Variants in CCSER1 observed in about 807,000 individuals in gnomAD.
The protein encoded by CCSER1 is serine-rich coiled-coil domain-containing protein 1.
CCSER1 carries 41 observed loss-of-function variants against 82.0 expected under a neutral mutation model. The observed-to-expected ratio is 0.50, with a 90% CI of 0.39 to 0.65. The LOEUF (loss-of-function observed/expected upper bound fraction) is 0.65. Among genes scored for constraint, CCSER1 ranks in the 30% least tolerant of loss-of-function variants. CCSER1 has a pLI of 0.00. For synonymous variants in CCSER1, 414 were observed against 383.9 expected (o/e 1.08, Z -0.92); for missense variants, 1,119 against 1,064.2 (o/e 1.05, Z -0.72).
At chr4:91,042,121 T>G (rs1315424772) in intron 9 of CCSER1, among the ~76,000 whole-genome samples, 1 of 152,226 alleles carries the variant, frequency 6.6e-6, no homozygotes, top group African/African-American at 2.4e-5. Flanking sequence ...AAATCTCATC[T>G]TGAATTGTAA....
intron 1 of CCSER1, among the ~76,000 whole-genome samples, chr4:90,275,285 T>C (rs1005568167): frequency 6.6e-6 from 1 of 152,138 alleles, no homozygotes; most frequent in Non-Finnish European, 1.5e-5. Context: ...CACATAAGTG[T>C]GACTTTTAAG....
At chr4:90,882,754 TG>T (rs1436871104) in intron 8 of CCSER1, among the ~76,000 whole-genome samples, 1 of 151,868 alleles carries the variant, frequency 6.6e-6, no homozygotes, top group African/African-American at 2.4e-5. Flanking sequence ...ACTTTAACAC[TG>T]AAAAAAAACA....
intron 10 of CCSER1, among the ~76,000 whole-genome samples, chr4:91,225,189 AT>A (rs1738051773): frequency 7.1e-6 from 1 of 141,626 alleles, no homozygotes; most frequent in Non-Finnish European, 1.5e-5. Context: ...TATGTATATA[AT>A]TATATATAAT....
At chr4:90,940,835 T>G (rs1296108426) in intron 9 of CCSER1, among the ~76,000 whole-genome samples, 1 of 152,130 alleles carries the variant, frequency 6.6e-6, no homozygotes, top group Admixed American at 6.5e-5. Context: ...CATATAGCTT[T>G]TCTAACAAAA....
chr4:90,479,032 C>T (rs937760706), intron 5 of CCSER1, among the ~76,000 whole-genome samples: 14 of 152,108 alleles, frequency 9.2e-5, no homozygotes, highest in East Asian at 3.9e-4. Context: ...AGCCCCCACG[C>T]GGGCCTGTAC....
At chr4:90,161,010 A>G (rs965806941) in intron 1 of CCSER1, among the ~76,000 whole-genome samples, 1 of 152,170 alleles carries the variant, frequency 6.6e-6, no homozygotes, top group African/African-American at 2.4e-5. Context: ...TGCCAAAAAG[A>G]TAAGCTACCT....
intron 10 of CCSER1, among the ~76,000 whole-genome samples, chr4:91,151,021 A>C (rs1730130773): frequency 6.6e-6 from 1 of 151,972 alleles, no homozygotes; most frequent in South Asian, 2.1e-4. Context: ...TTTTTTATTG[A>C]TTGAATAGTT....
chr4:90,929,257 T>A (rs1020099683), intron 9 of CCSER1, among the ~76,000 whole-genome samples: 4 of 152,162 alleles, frequency 2.6e-5, no homozygotes, highest in Non-Finnish European at 5.9e-5. Context: ...AAGCCACTAA[T>A]TTTTTATAAT....
intron 5 of CCSER1, among the ~76,000 whole-genome samples, chr4:90,513,201 A>T (rs1214299792): frequency 6.6e-6 from 1 of 152,238 alleles, no homozygotes; most frequent in African/African-American, 2.4e-5. Context: ...AGGTACACAC[A>T]TGGAGTATAA....
At chr4:91,297,749 T>G (rs2149232270) in intron 10 of CCSER1, among the ~76,000 whole-genome samples, 1 of 152,042 alleles carries the variant, frequency 6.6e-6, no homozygotes, top group African/African-American at 2.4e-5. Flanking sequence ...GGACAGTATG[T>G]AAGCAGACAG....
chr4:90,249,432 A>G (rs758763569), intron 1 of CCSER1, among the ~76,000 whole-genome samples: 1 of 152,154 alleles, frequency 6.6e-6, no homozygotes, highest in Non-Finnish European at 1.5e-5. Flanking sequence ...ACTCAGAGTA[A>G]ATTTTAAACC....
At chr4:91,336,177 C>T (rs1747312813) in intron 10 of CCSER1, among the ~76,000 whole-genome samples, 1 of 152,052 alleles carries the variant, frequency 6.6e-6, no homozygotes, top group Admixed American at 6.6e-5. Context: ...ATCTCCATCT[C>T]ATCAAGCTAC....
intron 8 of CCSER1, among the ~76,000 whole-genome samples, chr4:90,900,215 AT>A (rs1280888268): frequency 6.6e-6 from 1 of 150,936 alleles, no homozygotes; most frequent in Admixed American, 6.6e-5. Flanking sequence ...AGTTCCAGGA[AT>A]TTATCCATTA....
intron 10 of CCSER1, among the ~76,000 whole-genome samples, chr4:91,303,972 TA>T (rs1272782958): frequency 6.6e-6 from 1 of 152,020 alleles, no homozygotes; most frequent in Non-Finnish European, 1.5e-5. Flanking sequence ...AAATAATATA[TA>T]TTATTCACAC....
At chr4:91,301,509 T>C (rs1236032813) in intron 10 of CCSER1, among the ~76,000 whole-genome samples, 3 of 150,442 alleles carry the variant, frequency 2.0e-5, no homozygotes, top group Non-Finnish European at 4.4e-5. Flanking sequence ...AGTCATTATT[T>C]GCCTCTCTGT....
chr4:91,309,097 T>G (rs1168976473), intron 10 of CCSER1, among the ~76,000 whole-genome samples: 2 of 151,958 alleles, frequency 1.3e-5, no homozygotes, highest in South Asian at 2.1e-4. Context: ...TTTCTCCTCC[T>G]CTTTTTTAAA....
chr4:90,461,230 T>A (rs990792073), intron 4 of CCSER1, among the ~76,000 whole-genome samples: 1 of 139,086 alleles, frequency 7.2e-6, no homozygotes, highest in Admixed American at 6.8e-5. Context: ...TACGCCCGGC[T>A]AATTTTTTGT....
chr4:90,866,066 G>A (rs965149045), intron 8 of CCSER1, among the ~76,000 whole-genome samples: 2 of 151,838 alleles, frequency 1.3e-5, no homozygotes, highest in African/African-American at 4.8e-5. Flanking sequence ...TAAACCATGA[G>A]AAACCACCCT....
At chr4:90,764,269 T>C (rs1268208817) in intron 7 of CCSER1, among the ~76,000 whole-genome samples, 1 of 152,186 alleles carries the variant, frequency 6.6e-6, no homozygotes, top group African/African-American at 2.4e-5. Flanking sequence ...CAGGAGATGA[T>C]ACCACCAAAC....
Sources: allele counts gnomAD v4.1 joint callset (sites outside exome capture counted in the v4.1 genomes callset), GRCh38; gene constraint gnomAD v4.1.1; transcripts MANE v1.5; gene names NCBI Gene and HGNC (gene_info 2026-07-23, HGNC 2026-07-21).